The following CELF2 variants were observed in gnomAD, a reference collection of about 807,000 sequenced individuals.
The protein encoded by CELF2 is CUGBP Elav-like family member 2.
In CELF2, 8 loss-of-function variants were observed where a neutral mutation model predicts 62.6. The ratio of observed to expected loss-of-function variants is 0.13; its 90% confidence interval spans 0.07 to 0.23. The LOEUF is 0.23. Among genes scored for constraint, CELF2 ranks in the 10% least tolerant of loss-of-function variants. The pLI is 1.00. For missense variants in CELF2, 333 were observed against 671.0 expected, an observed-to-expected ratio of 0.50 and a Z score of 5.56; for synonymous variants, 258 against 250.0, an observed-to-expected ratio of 1.03 and a Z score of -0.30.
At chr10:10,744,501 G>T in the CELF2 span, among the ~76,000 whole-genome samples, 5 of 152,186 alleles carry the variant, frequency 3.3e-5, no homozygotes, top group Non-Finnish European at 7.3e-5. Flanking sequence ...ATCCAGTGCT[G>T]GTTTCCGTGT....
At chr10:10,838,663 A>G (rs1265983107) in intron 1 of CELF2, among the ~76,000 whole-genome samples, 1 of 152,158 alleles carries the variant, frequency 6.6e-6, no homozygotes, top group Admixed American at 6.5e-5. Context: ...GTCCTTGGCC[A>G]TGGGATGCTC....
At chr10:10,717,049 C>G in the CELF2 span, among the ~76,000 whole-genome samples, 1 of 152,184 alleles carries the variant, frequency 6.6e-6, no homozygotes, top group Non-Finnish European at 1.5e-5. Flanking sequence ...TTCTTTCAAT[C>G]TGTACCAAAG....
chr10:10,640,488 T>C, the CELF2 span, among the ~76,000 whole-genome samples: 2 of 152,152 alleles, frequency 1.3e-5, no homozygotes, highest in Non-Finnish European at 2.9e-5. Flanking sequence ...CCAGGTGAGA[T>C]TTGGATCTTT....
chr10:10,833,095 G>C (rs1307819933), intron 1 of CELF2, among the ~76,000 whole-genome samples: 1 of 151,216 alleles, frequency 6.6e-6, no homozygotes, highest in East Asian at 1.9e-4. Context: ...TTAGCAAAAA[G>C]AAAGATGTCA....
chr10:11,095,783 C>T (rs1289416446), intron 1 of CELF2, among the ~76,000 whole-genome samples: 3 of 151,814 alleles, frequency 2.0e-5, no homozygotes, highest in African/African-American at 4.9e-5. Context: ...GGAGACGCTT[C>T]GAAATGAAAT....
the CELF2 span, among the ~76,000 whole-genome samples, chr10:10,619,876 C>T: frequency 2.0e-5 from 3 of 151,978 alleles, no homozygotes; most frequent in Admixed American, 6.5e-5. Context: ...TTTGGCTTGT[C>T]GGTAATGACA....
At chr10:10,985,049 C>T (rs2052573439) in intron 2 of CELF2, among the ~76,000 whole-genome samples, 1 of 152,130 alleles carries the variant, frequency 6.6e-6, no homozygotes, top group South Asian at 2.1e-4. Context: ...GCCCCAACTT[C>T]CTTTCCAATT....
chr10:10,708,554 A>G, the CELF2 span, among the ~76,000 whole-genome samples: 2 of 152,220 alleles, frequency 1.3e-5, no homozygotes, highest in African/African-American at 2.4e-5. Flanking sequence ...AAAGCAAGAT[A>G]ATATTACAGT....
chr10:11,028,030 C>T (rs2138621771), intron 1 of CELF2, among the ~76,000 whole-genome samples: 1 of 152,292 alleles, frequency 6.6e-6, no homozygotes, highest in Non-Finnish European at 1.5e-5. Context: ...TTCTTCGGAA[C>T]TTTCATGCTT....
chr10:10,462,615 C>CTTTTTTTTTTTTTTTTTTTT, the CELF2 span, among the ~76,000 whole-genome samples: 39 of 69,420 alleles, frequency 5.6e-4, no homozygotes, highest in South Asian at 7.1e-4. Context: ...TTTTTTTCAT[C>CTTTTTTTTTTTTTTTTTTTT]TTTTTTTTTT....
chr10:10,524,485 T>A, the CELF2 span, among the ~76,000 whole-genome samples: 443 of 151,506 alleles, frequency 2.9e-3, 2 homozygotes, highest in Middle Eastern at 0.017. Context: ...TTATGGGGAC[T>A]GTGGCCATTT....
chr10:10,602,520 G>A, the CELF2 span, among the ~76,000 whole-genome samples: 1 of 152,104 alleles, frequency 6.6e-6, no homozygotes, highest in African/African-American at 2.4e-5. Flanking sequence ...TTTGTGATGT[G>A]ACAATCCTTT....
intron 2 of CELF2, among the ~76,000 whole-genome samples, chr10:11,190,765 CTCT>C (rs2092027091): frequency 2.3e-5 from 2 of 86,978 alleles, no homozygotes; most frequent in African/African-American, 9.2e-5. Flanking sequence ...GGTTTTGTAT[CTCT>C]TTTCTTTAAA....
the CELF2 span, among the ~76,000 whole-genome samples, chr10:10,533,581 A>T: frequency 6.6e-6 from 1 of 152,266 alleles, no homozygotes; most frequent in Admixed American, 6.5e-5. Flanking sequence ...TGTATGAGTC[A>T]GAGAAACTCC....
intron 2 of CELF2, among the ~76,000 whole-genome samples, chr10:11,190,036 C>T (rs1480074627): frequency 6.6e-6 from 1 of 152,206 alleles, no homozygotes; most frequent in Non-Finnish European, 1.5e-5. Flanking sequence ...ATTTTTAACA[C>T]ATTTGCAAGT....
chr10:10,849,759 T>C (rs1384975645), intron 1 of CELF2, among the ~76,000 whole-genome samples: 1 of 152,050 alleles, frequency 6.6e-6, no homozygotes, highest in African/African-American at 2.4e-5. Flanking sequence ...TATGACCAAA[T>C]AGTTTCTATC....
At chr10:10,794,236 A>T (rs2054011404), upstream of CELF2, among the ~76,000 whole-genome samples, 1 of 152,170 alleles carries the variant, frequency 6.6e-6, no homozygotes, top group African/African-American at 2.4e-5. Context: ...CACGTTAACA[A>T]GATCGGGAAA....
chr10:11,172,075 C>T lies in CELF2; in HGVS notation c.271+6393C>T, dbSNP rs2069069487. On this transcript the variant is annotated intron_variant, in intron 2 of 12. Coordinates refer to ENST00000633077, the MANE Select transcript of CELF2 (RefSeq NM_001326342.2). ...ACTGCAGGAAGATGAACCTACACTA[C>T]ATTTTAACGCATGCAAGTAGGGAAT... Among the ~76,000 whole-genome samples, 5 of 152,244 alleles carry T rather than the reference C, an allele frequency of 3.3e-5. No homozygotes were observed. The South Asian group carries it at 1.0e-3, about 32-fold the overall frequency.
chr10:11,278,315 A>T (rs2379106), intron 8 of CELF2, among the ~76,000 whole-genome samples: 17,863 of 152,296 alleles, frequency 0.12, 1,223 homozygotes, highest in Middle Eastern at 0.2. Context: ...TGGATTAGGA[A>T]CATACCTTTA....
Sources: allele counts gnomAD v4.1 joint callset (sites outside exome capture counted in the v4.1 genomes callset), GRCh38; gene constraint gnomAD v4.1.1; transcripts MANE v1.5; gene names NCBI Gene and HGNC (gene_info 2026-07-23, HGNC 2026-07-21).